The following ELOVL7 variants were observed in gnomAD, a reference collection of about 807,000 sequenced individuals.
ELOVL7 encodes ELOVL fatty acid elongase 7.
A neutral mutation model predicts 35.7 loss-of-function variants in ELOVL7; 27 were observed. The ratio of observed to expected loss-of-function variants is 0.76; its 90% CI spans 0.56 to 1.04. The LOEUF (loss-of-function observed/expected upper bound fraction) is 1.04, where lower values mean the gene tolerates loss of function less well. Ranked by LOEUF, ELOVL7 falls within the 50% of genes least tolerant of loss-of-function variation. The probability of loss-of-function intolerance (pLI) is 0.00; values close to 1 mark genes in which losing one functional copy is unlikely to be tolerated. For synonymous variants in ELOVL7, 113 were observed against 114.6 expected (o/e 0.99, Z 0.09); for missense variants, 327 against 340.8 (o/e 0.96, Z 0.32).
intron 1 of ELOVL7, among the ~76,000 whole-genome samples, chr5:60,807,128 C>T (rs544230746): frequency 2.0e-5 from 3 of 152,008 alleles, no homozygotes; most frequent in East Asian, 1.9e-4. Flanking sequence ...AACCTCACAT[C>T]GGAGGAGAAG....
At position 60,787,414 on chromosome 5, in the gene ELOVL7, T is replaced by G; in HGVS notation, c.-17A>C. 8.9e-6 allele frequency: 14 copies of G among 1,581,162 alleles called. No homozygotes were observed. Among genetic ancestry groups the G allele is most frequent in the Non-Finnish European group, 1.2e-5 (14 of 1,166,682 alleles). On this transcript the variant is annotated 5_prime_UTR_variant, in exon 3 of 9. Transcript: ENST00000508821. ...GAAGGCCATTTTCCACAGGATTTAC[T>G]GGCTCTTTTAATGGGTTCTTCAGTA...
chr5:60,772,866 T>A (rs1312200626), intron 3 of ELOVL7, among the ~76,000 whole-genome samples: 4 of 152,208 alleles, frequency 2.6e-5, no homozygotes, highest in Non-Finnish European at 5.9e-5. Context: ...TAAAAAAAGT[T>A]TGTGTTTGCT....
At chr5:60,828,558 T>A (rs890955746) in intron 1 of ELOVL7, among the ~76,000 whole-genome samples, 1 of 152,202 alleles carries the variant, frequency 6.6e-6, no homozygotes, top group Non-Finnish European at 1.5e-5. Context: ...CTGACTTTTA[T>A]GTATCCAGAT....
chr5:60,786,814 T>C (rs4700391), intron 3 of ELOVL7, among the ~76,000 whole-genome samples: 90,678 of 151,504 alleles, frequency 0.6, 28,445 homozygotes, highest in African/African-American at 0.76. Context: ...TGGTGGTGGG[T>C]GCCTGTAGTC....
intron 1 of ELOVL7, among the ~76,000 whole-genome samples, chr5:60,841,176 C>A (rs1393492759): frequency 6.6e-6 from 1 of 151,954 alleles, no homozygotes; most frequent in African/African-American, 2.4e-5. Context: ...CAGGCATGTG[C>A]CAACACACCC....
intron 1 of ELOVL7, among the ~76,000 whole-genome samples, chr5:60,809,184 G>T (rs753817767): frequency 2.0e-5 from 3 of 152,140 alleles, no homozygotes; most frequent in Admixed American, 6.5e-5. Context: ...GAAAGAAAAA[G>T]AATGTTAAGA....
At chr5:60,768,732 A>G (rs1162695996) in intron 4 of ELOVL7, 1 of 455,026 alleles carries the variant, frequency 2.2e-6, no homozygotes, top group Non-Finnish European at 4.4e-6. Flanking sequence ...AACTTAACAC[A>G]TATATGAAAT....
At chr5:60,766,511 C>T in intron 6 of ELOVL7, 63 bp downstream of exon 6, 1 of 1,410,788 alleles carries the variant, frequency 7.1e-7, no homozygotes, top group South Asian at 1.3e-5. Flanking sequence ...ACTGAAAGAT[C>T]AAACATTTAA....
intron 2 of ELOVL7, among the ~76,000 whole-genome samples, chr5:60,792,792 C>T (rs6877849): frequency 0.81 from 123,988 of 152,150 alleles, 50,752 homozygotes; most frequent in East Asian, 0.9. Flanking sequence ...TTTAGAATAT[C>T]TGATGGCAAA....
chr5:60,794,056 G>A lies in ELOVL7; in HGVS notation c.-35+5124C>T, dbSNP rs76711034. Among the ~76,000 whole-genome samples, 1,123 of 152,288 alleles carry A rather than the reference G, an allele frequency of 7.4e-3. 12 individuals carry two copies. Among genetic ancestry groups the A allele is most frequent in the African/African-American group, 0.025 (1,045 of 41,564 alleles). On this transcript the variant is annotated intron_variant, in intron 2 of 8. Coordinates refer to ENST00000508821, the MANE Select transcript of ELOVL7 (RefSeq NM_024930.3). ...GTCAGAGCTCAGCCTGCCTCCAAAGGCCTGAAAAATGTATGGCAGGAGTAG... is the reference window on the plus strand; with the variant it reads ...GTCAGAGCTCAGCCTGCCTCCAAAGACCTGAAAAATGTATGGCAGGAGTAG...
chr5:60,824,752 C>T (rs1377865786), intron 1 of ELOVL7, among the ~76,000 whole-genome samples: 3 of 152,238 alleles, frequency 2.0e-5, no homozygotes, highest in Non-Finnish European at 4.4e-5. Flanking sequence ...GTCTCCCTGA[C>T]TTCATCTTTG....
intron 4 of ELOVL7, among the ~76,000 whole-genome samples, chr5:60,770,662 G>T (rs1742522530): frequency 6.6e-6 from 1 of 152,184 alleles, no homozygotes; most frequent in African/African-American, 2.4e-5. Context: ...GAAAGCAGCA[G>T]AGTGAGTCCA....
chr5:60,800,321 G>A (rs1744528914), intron 1 of ELOVL7, among the ~76,000 whole-genome samples: 1 of 152,130 alleles, frequency 6.6e-6, no homozygotes, highest in South Asian at 2.1e-4. Context: ...TACAAGGATG[G>A]TTCAACAAAT....
At chr5:60,770,053 G>GAAA (rs5868255) in intron 4 of ELOVL7, among the ~76,000 whole-genome samples, 1 of 126,366 alleles carries the variant, frequency 7.9e-6, no homozygotes. Flanking sequence ...CCTTTCTGGT[G>GAAA]AAAAAAAAAA....
At chr5:60,831,272 T>C (rs1579937011) in intron 1 of ELOVL7, among the ~76,000 whole-genome samples, 1 of 152,236 alleles carries the variant, frequency 6.6e-6, no homozygotes, top group Non-Finnish European at 1.5e-5. Flanking sequence ...TTCAATATTA[T>C]CATTAAAGGC....
chr5:60,791,219 C>T (rs542387281), intron 2 of ELOVL7, among the ~76,000 whole-genome samples: 12 of 152,254 alleles, frequency 7.9e-5, no homozygotes, highest in Middle Eastern at 6.8e-3. Flanking sequence ...TCAAGCAGTC[C>T]GCCTGCCTCA....
At chr5:60,821,029 T>C (rs552458905) in intron 1 of ELOVL7, among the ~76,000 whole-genome samples, 20 of 152,316 alleles carry the variant, frequency 1.3e-4, no homozygotes, top group Middle Eastern at 6.8e-3. Context: ...ATTTGAGTAA[T>C]AATTATAATT....
chr5:60,832,667 ATT>A (rs34899576), intron 1 of ELOVL7, among the ~76,000 whole-genome samples: 2 of 147,534 alleles, frequency 1.4e-5, no homozygotes, highest in African/African-American at 4.9e-5. Context: ...CCCAGCCGGA[ATT>A]TTTTTTTTTT....
chr5:60,779,376 C>T (rs542991578), intron 3 of ELOVL7, among the ~76,000 whole-genome samples: 4 of 152,318 alleles, frequency 2.6e-5, no homozygotes, highest in East Asian at 1.9e-4. Context: ...CAGCAAACTT[C>T]GGCCTGGACA....
Sources: gnomAD v4.1 joint callset for allele counts (sites outside exome capture counted in the v4.1 genomes callset) on GRCh38, gnomAD v4.1.1 for gene constraint, MANE v1.5 for transcripts, NCBI Gene and HGNC (gene_info 2026-07-23, HGNC 2026-07-21) for gene names.